LINGO1: variants seen among roughly 807,000 people sequenced by gnomAD.
LINGO1 encodes the protein leucine-rich repeat and immunoglobulin-like domain-containing nogo receptor-interacting protein 1.
LINGO1 carries 11 observed loss-of-function variants against 37.3 expected under a neutral mutation model. The ratio of observed to expected loss-of-function variants is 0.29; its 90% CI spans 0.19 to 0.49. LINGO1 has a LOEUF of 0.49. Among genes scored for constraint, LINGO1 ranks in the 20% least tolerant of loss-of-function variants. The pLI is 0.99. For missense variants in LINGO1, 585 were observed against 878.2 expected (o/e 0.67, Z 4.22); for synonymous variants, 387 against 403.0 (o/e 0.96, Z 0.48).
chr15:77,674,408 C>T (rs890058597), intron 3 of LINGO1, among the ~76,000 whole-genome samples: 2 of 152,230 alleles, frequency 1.3e-5, no homozygotes, highest in African/African-American at 2.4e-5. Flanking sequence ...TGTCACTACG[C>T]AGAACCTTCC....
upstream of LINGO1, among the ~76,000 whole-genome samples, chr15:77,700,028 G>C (rs1189335466): frequency 6.6e-6 from 1 of 152,220 alleles, no homozygotes; most frequent in Non-Finnish European, 1.5e-5. Context: ...AGGGATGGTA[G>C]AGGCCCTGCT....
chr15:77,795,060 C>T (rs1397318505), intron 2 of LINGO1, among the ~76,000 whole-genome samples: 1 of 152,172 alleles, frequency 6.6e-6, no homozygotes, highest in Non-Finnish European at 1.5e-5. Flanking sequence ...GGACAATACG[C>T]CAGGCCAGCC....
At chr15:77,776,506 CAGGAAGGCAGGAAGGG>C (rs2076648963) in intron 1 of LINGO1, among the ~76,000 whole-genome samples, 17 of 61,042 alleles carry the variant, frequency 2.8e-4, no homozygotes, top group East Asian at 1.3e-3. Context: ...GGCAGGAAGG[CAGGAAGGCAGGAAGGG>C]AGGAAGGGAG....
At chr15:77,742,107 G>C (rs978873416) in intron 1 of LINGO1, among the ~76,000 whole-genome samples, 2 of 152,196 alleles carry the variant, frequency 1.3e-5, no homozygotes, top group African/African-American at 4.8e-5. Flanking sequence ...TAAGATGAGA[G>C]GCCAGGCAGA....
At chr15:77,657,297 T>C (rs1327354362) in intron 3 of LINGO1, among the ~76,000 whole-genome samples, 1 of 151,516 alleles carries the variant, frequency 6.6e-6, no homozygotes, top group Non-Finnish European at 1.5e-5. Flanking sequence ...ATGGGGCATC[T>C]TGAAAGAACC....
At chr15:77,720,410 T>G (rs184917761) in intron 2 of LINGO1, among the ~76,000 whole-genome samples, 20 of 152,360 alleles carry the variant, frequency 1.3e-4, no homozygotes, top group African/African-American at 4.8e-4. Context: ...GTGAGCGCAG[T>G]GCCTGCCACC....
chr15:77,791,819 T>C (rs998513211), upstream of LINGO1, among the ~76,000 whole-genome samples: 2 of 152,056 alleles, frequency 1.3e-5, no homozygotes, highest in African/African-American at 4.8e-5. Context: ...GTGCCATCCA[T>C]TAGGCCACTT....
At chr15:77,752,601 T>G (rs752595829) in intron 1 of LINGO1, among the ~76,000 whole-genome samples, 1 of 152,190 alleles carries the variant, frequency 6.6e-6, no homozygotes, top group African/African-American at 2.4e-5. Context: ...AAAGGCCCCA[T>G]AGACAACCAC....
intron 1 of LINGO1, among the ~76,000 whole-genome samples, chr15:77,753,738 G>GCA: frequency 6.6e-6 from 1 of 152,222 alleles, no homozygotes; most frequent in South Asian, 2.1e-4. Flanking sequence ...AGGGCTGGAG[G>GCA]CACACACACA....
intron 1 of LINGO1, among the ~76,000 whole-genome samples, chr15:77,751,013 G>A (rs1324340361): frequency 2.0e-5 from 3 of 152,270 alleles, no homozygotes; most frequent in Admixed American, 1.3e-4. Context: ...CAAGGGCAGC[G>A]TGGAGGGTAT....
chr15:77,695,540 C>G (rs1181030570), intron 1 of LINGO1, among the ~76,000 whole-genome samples: 1 of 152,226 alleles, frequency 6.6e-6, no homozygotes, highest in African/African-American at 2.4e-5. Context: ...AAGGAGCCCC[C>G]AATCATTGAG....
chr15:77,628,761 G>C (rs1315016598), intron 1 of LINGO1, among the ~76,000 whole-genome samples: 6 of 152,128 alleles, frequency 3.9e-5, no homozygotes, highest in Non-Finnish European at 7.4e-5. Flanking sequence ...CTGGATTAGT[G>C]AGTAAGAGCC....
chr15:77,795,413 G>A (rs917695502), intron 2 of LINGO1, among the ~76,000 whole-genome samples: 1 of 152,176 alleles, frequency 6.6e-6, no homozygotes, highest in Non-Finnish European at 1.5e-5. Context: ...AAGGTCACCT[G>A]GCTGCCAATG....
chr15:77,807,593 C>T (rs773198548), intron 1 of LINGO1, among the ~76,000 whole-genome samples: 1 of 152,158 alleles, frequency 6.6e-6, no homozygotes, highest in Non-Finnish European at 1.5e-5. Flanking sequence ...CTGCACACGT[C>T]TCTTCTACTC....
intron 1 of LINGO1, among the ~76,000 whole-genome samples, chr15:77,772,570 G>A (rs1406289640): frequency 1.3e-5 from 2 of 152,112 alleles, no homozygotes; most frequent in African/African-American, 2.4e-5. Flanking sequence ...CCATAGACTC[G>A]GCTGGGGGCT....
At chr15:77,791,507 G>T (rs1034186633), upstream of LINGO1, among the ~76,000 whole-genome samples, 5 of 151,984 alleles carry the variant, frequency 3.3e-5, no homozygotes, top group African/African-American at 1.2e-4. Context: ...GTCACCTGTT[G>T]GAAAGAAGGG....
At chr15:77,624,163 C>CTGTG (rs56162459) in intron 1 of LINGO1, among the ~76,000 whole-genome samples, 8 of 131,756 alleles carry the variant, frequency 6.1e-5, no homozygotes, top group African/African-American at 8.4e-5. Context: ...TGAGTGGCCT[C>CTGTG]TGTGTGTGTG....
At position 77,632,151 on chromosome 15, in the gene LINGO1, G is replaced by A. The variant is rs2074273348; in HGVS notation, c.6+159C>T. ...GAAAAGGAAGAATTTTCATTTCTGA[G>A]GCTTGAGGGGAAATCAGGCCTATGA... is the stretch of plus-strand genomic sequence containing the variant. On this transcript the variant is annotated intron_variant, in intron 1 of 1. Transcript: ENST00000355300. This position sits in a 1 kb window ranked among gnomAD's most constrained non-coding sequence, Gnocchi z 6.0. 6.6e-6 allele frequency among the ~76,000 whole-genome samples: 1 copy of A among 152,196 alleles called. No homozygotes were observed. Among genetic ancestry groups the A allele is most frequent in the African/African-American group, 2.4e-5 (1 of 41,466 alleles).
intron 2 of LINGO1, among the ~76,000 whole-genome samples, chr15:77,682,501 G>A (rs1302072098): frequency 4.0e-5 from 6 of 151,782 alleles, no homozygotes; most frequent in South Asian, 2.1e-4. Flanking sequence ...CATGCATTTC[G>A]CTCCCTAGTC....
Sources: gnomAD v4.1 joint callset for allele counts (sites outside exome capture counted in the v4.1 genomes callset) on GRCh38, gnomAD v4.1.1 for gene constraint, Gnocchi (gnomAD v3.1) non-coding constraint, MANE v1.5 for transcripts, NCBI Gene and HGNC (gene_info 2026-07-23, HGNC 2026-07-21) for gene names.